Variants in PARP1 observed in about 807,000 individuals in gnomAD.
PARP1 encodes poly [ADP-ribose] polymerase 1.
In PARP1, 44 loss-of-function variants were observed where a neutral mutation model predicts 118.7. The ratio of observed to expected loss-of-function variants is 0.37; its 90% CI spans 0.29 to 0.48. The LOEUF (loss-of-function observed/expected upper bound fraction) is 0.48. Among genes scored for constraint, PARP1 ranks in the 20% least tolerant of loss-of-function variants. PARP1 has a pLI of 0.99. For missense variants in PARP1, 1,100 were observed against 1,272.4 expected, an observed-to-expected ratio of 0.86 and a Z score of 2.06; for synonymous variants, 492 against 483.2, an observed-to-expected ratio of 1.02 and a Z score of -0.24.
chr1:226,374,454 A>T, intron 13 of PARP1, 100 bp from the exon 14 acceptor site: 1 of 1,402,974 alleles, frequency 7.1e-7, no homozygotes, highest in South Asian at 1.2e-5. Flanking sequence ...CACAGGCTAG[A>T]GTGCCACCAG....
At chr1:226,366,922 GAC>G in intron 17 of PARP1, 1 of 186,426 alleles carries the variant, frequency 5.4e-6, no homozygotes, top group Non-Finnish European at 1.1e-5. Context: ...TAGGCTCAAG[GAC>G]CGGGCCATCT....
intron 8 of PARP1, 97 bp from the exon 9 acceptor site, chr1:226,381,305 C>T: frequency 1.4e-6 from 2 of 1,425,986 alleles, no homozygotes; most frequent in South Asian, 1.2e-5. Context: ...CAGCGAGCTC[C>T]TGGGAAAAGC....
intron 2 of PARP1, among the ~76,000 whole-genome samples, chr1:226,396,716 T>A (rs1358597561): frequency 1.3e-5 from 2 of 152,148 alleles, no homozygotes; most frequent in Non-Finnish European, 2.9e-5. Flanking sequence ...TTATGCCTTT[T>A]CATATTATAA....
rs765336078 is a variant in PARP1, at chr1:226,377,209, A to G, written c.1840T>C (p.Phe614Leu). 1.1e-5 allele frequency: 18 copies of G among 1,613,984 alleles called. No individual in the cohort carries two copies. The Admixed American group carries it at 2.2e-4, about 19-fold the overall frequency. The change falls in exon 13 of 23, where the codon TTC becomes CTC. Residue 614 changes from phenylalanine to leucine, a missense_variant. Phe to Leu is a conservative substitution (Grantham distance 22). Around this residue, in one of 2 missense-constraint regions of PARP1, gnomAD observed 948 missense variants for 1,031.8 expected, o/e 0.92. Coordinates refer to ENST00000366794, the MANE Select transcript of PARP1 (RefSeq NM_001618.4). Reference protein sequence around the residue: ...MPSKEDAIEHFMKLYEEKTGN... With the variant: ...MPSKEDAIEHLMKLYEEKTGN... ...GTTTTTTCTTCATATAATTTCATGA[A>G]GTGCTCAATGGCATCCTCCTTGGAC...
chr1:226,392,400 G>A (rs1664837738), intron 2 of PARP1, 86 bp from the exon 3 acceptor site: 2 of 906,918 alleles, frequency 2.2e-6, no homozygotes, highest in East Asian at 2.4e-5. Flanking sequence ...ACCTCCCCAG[G>A]ATCCTTCCAC....
At chr1:226,403,042 G>A (rs1300960256) in intron 1 of PARP1, among the ~76,000 whole-genome samples, 1 of 152,250 alleles carries the variant, frequency 6.6e-6, no homozygotes, top group Admixed American at 6.5e-5. Flanking sequence ...GCTGGAGTCA[G>A]CTGCTCACTG....
Position 226,390,639 on chromosome 1 carries a change from A to T in PARP1, c.403-15T>A, listed in dbSNP as rs558979045. 1.9e-6 allele frequency: 3 copies of T among 1,611,546 alleles called. No individual in the cohort carries two copies. The highest frequency in any genetic ancestry group is 2.5e-6 in the Non-Finnish European group (3 of 1,177,816). On this transcript the variant is annotated splice_polypyrimidine_tract_variant and intron_variant, in intron 3 of 22. Coordinates refer to ENST00000366794, the MANE Select transcript of PARP1 (RefSeq NM_001618.4). Reference sequence around the variant, plus strand: ...CGCACCTGGCCCTGCAGGAAAAACCATATGTGGTACCAAGGGAGCGACAAG... The same window carrying T: ...CGCACCTGGCCCTGCAGGAAAAACCTTATGTGGTACCAAGGGAGCGACAAG...
At chr1:226,383,616 A>G (rs939588978) in intron 7 of PARP1, among the ~76,000 whole-genome samples, 3 of 152,166 alleles carry the variant, frequency 2.0e-5, no homozygotes, top group Non-Finnish European at 4.4e-5. Context: ...CTATATACAC[A>G]CTGGGAGATT....
chr1:226,364,955 C>T (rs770031312), intron 19 of PARP1, 47 bp downstream of exon 19: 2 of 1,607,740 alleles, frequency 1.2e-6, no homozygotes, highest in East Asian at 4.5e-5. Context: ...TATGGAGACA[C>T]CTGCAGAGAC....
At chr1:226,392,557 T>C (rs1282119496) in intron 2 of PARP1, 19 of 562,774 alleles carry the variant, frequency 3.4e-5, no homozygotes, top group Non-Finnish European at 6.1e-5. Context: ...TATCAGGGGG[T>C]GGTCAGCTGT....
intron 1 of PARP1, among the ~76,000 whole-genome samples, chr1:226,407,543 G>A (rs1211934213): frequency 7.2e-5 from 11 of 152,114 alleles, no homozygotes; most frequent in Admixed American, 7.2e-4. Context: ...AAGGAGAAGA[G>A]AAGAGGCTCC....
rs2102737257 is a variant in PARP1 at position 226,383,057 on chromosome 1, C to T, written c.1138G>A (p.Val380Met). 6.2e-7 allele frequency: 1 copy of T among 1,612,938 alleles called. No homozygotes were observed. Among genetic ancestry groups the T allele is most frequent in the Non-Finnish European group, 8.5e-7 (1 of 1,180,038 alleles). The part of the protein sequence containing the change: ...PPSTASAPAA[V>M]NSSASADKPL... ...GTACCTGCTGAAGCAGAGGAGTTCA[C>T]AGCAGCAGGAGCCGAGGCTGTGGAG... The change falls in exon 8 of 23, where the codon GTG becomes ATG. Residue 380 changes from valine to methionine, a missense_variant. This residue lies in a region of PARP1 where 948 missense variants were observed against 1,031.8 expected (regional missense o/e 0.92). Coordinates refer to ENST00000366794, the MANE Select transcript of PARP1 (RefSeq NM_001618.4).
chr1:226,397,160 A>T (rs1190893891), intron 2 of PARP1, among the ~76,000 whole-genome samples: 7 of 151,436 alleles, frequency 4.6e-5, no homozygotes, highest in Non-Finnish European at 8.8e-5. Flanking sequence ...TCTTAAAAAA[A>T]AAAAAAAAAA....
chr1:226,390,400 C>G lies in PARP1; in HGVS notation c.617+10G>C. The G allele has an allele frequency of 6.2e-7, 1 of 1,612,664 alleles. No homozygotes were observed. Among genetic ancestry groups the G allele is most frequent in the Middle Eastern group, 1.9e-4 (1 of 5,158 alleles). ...GAACCCCCAGGGCAACCCCGCAGTG[C>G]TCCACCCACCCTTCACTCTTGACTC... is the stretch of plus-strand genomic sequence containing the variant. On this transcript the variant is annotated intron_variant, in intron 4 of 22. Transcript: ENST00000366794.
intron 2 of PARP1, chr1:226,392,770 T>C: frequency 1.6e-6 from 1 of 607,480 alleles, no homozygotes; most frequent in African/African-American, 1.9e-5. Flanking sequence ...AAGAATTAAA[T>C]ATGTACTAAA....
chr1:226,374,633 C>G (rs1664454965), intron 13 of PARP1, among the ~76,000 whole-genome samples: 1 of 152,146 alleles, frequency 6.6e-6, no homozygotes, highest in Non-Finnish European at 1.5e-5. Context: ...GCTGACCCAC[C>G]CTGGGGTTGC....
At chr1:226,378,769 A>G (rs563745792) in intron 12 of PARP1, among the ~76,000 whole-genome samples, 1 of 152,300 alleles carries the variant, frequency 6.6e-6, no homozygotes, top group East Asian at 1.9e-4. Flanking sequence ...TGGGAGGTCA[A>G]GGCTCCGCTG....
intron 14 of PARP1, 161 bp from the exon 15 acceptor site, chr1:226,370,678 C>T (rs1664363047): frequency 1.5e-6 from 1 of 684,260 alleles, no homozygotes. Flanking sequence ...AGTCTGTAGC[C>T]CCACCCCACC....
At chr1:226,388,584 T>A (rs1021337171) in intron 5 of PARP1, 72 bp downstream of exon 5, 2 of 1,079,740 alleles carry the variant, frequency 1.9e-6, no homozygotes, top group African/African-American at 3.1e-5. Flanking sequence ...ACTCCTTGAA[T>A]TGTCTTCCCA....
Sources: gnomAD v4.1 joint callset for allele counts (sites outside exome capture counted in the v4.1 genomes callset) on GRCh38, gnomAD v4.1.1 for gene constraint, gnomAD v4.1.1 regional missense constraint, MANE v1.5 for transcripts, NCBI Gene and HGNC (gene_info 2026-07-23, HGNC 2026-07-21) for gene names.